CDH23: variants seen among roughly 807,000 people sequenced by gnomAD.
CDH23 encodes the protein cadherin related 23.
CDH23 carries 189 observed loss-of-function variants against 317.1 expected under a neutral mutation model. That is an observed-to-expected ratio of 0.60 (90% confidence interval 0.53 to 0.67). CDH23 has a LOEUF of 0.67. Ranked by LOEUF, CDH23 falls within the 30% of genes least tolerant of loss-of-function variation. The pLI is 0.00. For missense variants in CDH23, 4,401 were observed against 4,592.4 expected, an observed-to-expected ratio of 0.96 and a Z score of 1.20; for synonymous variants, 1,839 against 1,876.8, an observed-to-expected ratio of 0.98 and a Z score of 0.52.
At chr10:71,492,382 T>C (rs1852711914) in intron 3 of CDH23, among the ~76,000 whole-genome samples, 2 of 152,142 alleles carry the variant, frequency 1.3e-5, no homozygotes, top group Non-Finnish European at 2.9e-5. Context: ...GAGTTTTCCC[T>C]CTGCCTAGTT....
chr10:71,657,805 G>A (rs1414450537), intron 14 of CDH23, among the ~76,000 whole-genome samples: 1 of 151,246 alleles, frequency 6.6e-6, no homozygotes, highest in Non-Finnish European at 1.5e-5. Context: ...TGAGACTCCA[G>A]CTGTGCTTAA....
At chr10:71,578,417 G>A (rs573570381) in intron 9 of CDH23, among the ~76,000 whole-genome samples, 128 of 152,252 alleles carry the variant, frequency 8.4e-4, no homozygotes, top group African/African-American at 2.6e-3. Flanking sequence ...TAGAACAAAC[G>A]GAGCTGCAAC....
chr10:71,622,209 T>A (rs1861496791), intron 11 of CDH23, among the ~76,000 whole-genome samples: 1 of 152,128 alleles, frequency 6.6e-6, no homozygotes, highest in Non-Finnish European at 1.5e-5. Flanking sequence ...TGGAGTCCTA[T>A]AATGTATATA....
At chr10:71,642,519 C>T (rs1246488040) in intron 11 of CDH23, among the ~76,000 whole-genome samples, 1 of 151,450 alleles carries the variant, frequency 6.6e-6, no homozygotes, top group East Asian at 2.0e-4. Context: ...CTGTCTCAGC[C>T]TCCCGAGTAG....
chr10:71,495,865 T>G (rs551514573), intron 3 of CDH23, among the ~76,000 whole-genome samples: 9 of 150,256 alleles, frequency 6.0e-5, no homozygotes, highest in African/African-American at 2.2e-4. Flanking sequence ...AAGAAAAATC[T>G]TAAATTTCTA....
Position 71,716,024 on chromosome 10 carries a change from T to C in CDH23, c.3369+3211T>C, listed in dbSNP as rs1866207987. The C allele has an allele frequency of 4.0e-6, 6 of 1,500,570 alleles. No homozygotes were observed. The South Asian group carries it at 7.9e-5, about 20-fold the overall frequency. The allele number at this position is 1,500,570 out of a possible 1,614,324, so 93.0% of individuals were successfully genotyped here. On this transcript the variant is annotated intron_variant, in intron 28 of 69. Transcript: ENST00000224721. Reference sequence around the variant, plus strand: ...CTGTCGAGGGACGGTGGGCCGGCCATGGCGGAAGCTGTGCAGGGAGAGGCG... The same window carrying C: ...CTGTCGAGGGACGGTGGGCCGGCCACGGCGGAAGCTGTGCAGGGAGAGGCG...
chr10:71,642,937 G>T (rs1009235673), intron 11 of CDH23, among the ~76,000 whole-genome samples: 4 of 152,246 alleles, frequency 2.6e-5, no homozygotes, highest in African/African-American at 4.8e-5. Context: ...TCAAGGGGCT[G>T]CTGACATTCC....
chr10:71,540,013 G>A (rs996089031), intron 6 of CDH23, among the ~76,000 whole-genome samples: 1 of 152,176 alleles, frequency 6.6e-6, no homozygotes, highest in African/African-American at 2.4e-5. Context: ...CCTGGACCCT[G>A]GTGGGGAGCC....
chr10:71,471,736 G>A (rs1023169348), intron 3 of CDH23, among the ~76,000 whole-genome samples: 9 of 151,972 alleles, frequency 5.9e-5, no homozygotes, highest in African/African-American at 2.2e-4. Flanking sequence ...TGCCATTCCT[G>A]CGGCCTGGTA....
In CDH23 at chr10:71,785,670, C is replaced by T. The variant is rs777122902; in HGVS notation, c.5752C>T (p.Arg1918Trp). 3.7e-5 allele frequency: 60 copies of T among 1,607,428 alleles called. No individual in the cohort carries two copies. The highest frequency in any genetic ancestry group is 1.2e-4 in the South Asian group (11 of 89,372). The change falls in exon 44 of 70, where the codon CGG becomes TGG. Residue 1918 changes from arginine (R) to tryptophan (W), a missense_variant. Transcript: ENST00000224721. ...VTVNRPLDRE[R>W]IPEYKLTISV... is the part of the protein sequence containing the mutation. ...TGTGAACCGGCCCCTGGACCGCGAG[C>T]GGATCCCAGAGTACAAGCTGACCAT...
intron 3 of CDH23, among the ~76,000 whole-genome samples, chr10:71,461,998 A>G (rs1589343197): frequency 6.6e-6 from 1 of 151,912 alleles, no homozygotes; most frequent in Non-Finnish European, 1.5e-5. Context: ...GTCCTCCATC[A>G]CCCGCCTGGT....
Position 71,712,731 on chromosome 10 carries a change from A to G in CDH23, c.3287A>G (p.Asn1096Ser), listed in dbSNP as rs766285590. Reference protein sequence around the residue: ...ATVFVTVLDVNDNRPIFLQSS... With the variant: ...ATVFVTVLDVSDNRPIFLQSS... The stretch of plus-strand genomic sequence containing the variant: ...GTGTTCGTCACTGTCCTGGATGTGA[A>G]TGACAACCGGCCCATCTTTCTGCAG... The change falls in exon 28 of 70, where the codon AAT (asparagine) becomes AGT (serine). Residue 1096 changes from asparagine (N) to serine (S), a missense_variant. By Grantham distance (46) the Asn-to-Ser change is conservative. Transcript: ENST00000224721. 6.2e-7 allele frequency: 1 copy of G among 1,613,740 alleles called. No individual in the cohort carries two copies. Among genetic ancestry groups the G allele is most frequent in the Non-Finnish European group, 8.5e-7 (1 of 1,179,858 alleles).
At chr10:71,778,080 G>T in intron 39 of CDH23, 109 bp from the exon 40 acceptor site, 2 of 1,508,584 alleles carry the variant, frequency 1.3e-6, no homozygotes, top group African/African-American at 1.4e-5. Context: ...GGGTGGCAGT[G>T]GTTCCCCATC....
chr10:71,743,638 G>T (rs1839788566), intron 38 of CDH23, among the ~76,000 whole-genome samples: 1 of 152,184 alleles, frequency 6.6e-6, no homozygotes, highest in Admixed American at 6.5e-5. Context: ...ACTGGGCAGG[G>T]TGGGGCTGGG....
intron 3 of CDH23, among the ~76,000 whole-genome samples, chr10:71,493,227 C>T (rs1173853319): frequency 1.3e-5 from 2 of 152,108 alleles, no homozygotes; most frequent in African/African-American, 2.4e-5. Context: ...CAGGATTTGG[C>T]CTGAGTGAAA....
Position 71,645,999 on chromosome 10 carries a change from G to C in CDH23, c.1290+19G>C. 1 of 1,606,198 alleles carries C rather than the reference G, an allele frequency of 6.2e-7. No individual in the cohort carries two copies. Among genetic ancestry groups the C allele is most frequent in the Non-Finnish European group, 8.5e-7 (1 of 1,177,246 alleles). Reference sequence around the variant, plus strand: ...CTTTGATGTAAGGCCCCACTCACTGGCATTTTGGAGTGGGGTGGGGGGTGG... The same window carrying C: ...CTTTGATGTAAGGCCCCACTCACTGCCATTTTGGAGTGGGGTGGGGGGTGG... On this transcript the variant is annotated intron_variant, in intron 13 of 69. Transcript: ENST00000224721.
At chr10:71,780,659 G>T (rs2132931913) in intron 41 of CDH23, among the ~76,000 whole-genome samples, 1 of 152,292 alleles carries the variant, frequency 6.6e-6, no homozygotes, top group Middle Eastern at 3.4e-3. Flanking sequence ...CGTGGCTTTT[G>T]CTCTGAGGTG....
intron 1 of CDH23, among the ~76,000 whole-genome samples, chr10:71,398,194 T>C (rs1847613750): frequency 6.6e-6 from 1 of 152,154 alleles, no homozygotes; most frequent in African/African-American, 2.4e-5. Flanking sequence ...GCCGCCCCAC[T>C]GCGACCCCAG....
At chr10:71,399,069 A>T (rs1290023003) in intron 1 of CDH23, among the ~76,000 whole-genome samples, 1 of 152,250 alleles carries the variant, frequency 6.6e-6, no homozygotes, top group African/African-American at 2.4e-5. Flanking sequence ...TCCCCCACTC[A>T]ACAAGCTACC....
Sources: gnomAD v4.1 joint callset for allele counts (sites outside exome capture counted in the v4.1 genomes callset) on GRCh38, gnomAD v4.1.1 for gene constraint, MANE v1.5 for transcripts, NCBI Gene and HGNC (gene_info 2026-07-23, HGNC 2026-07-21) for gene names.